The following DOCK3 variants were observed in gnomAD, a reference collection of about 807,000 sequenced individuals.
DOCK3 encodes the protein dedicator of cytokinesis protein 3.
Under a neutral mutation model 265.6 loss-of-function variants are expected in DOCK3, and 60 were observed. That is an observed-to-expected ratio of 0.23 (90% CI 0.18 to 0.28). The LOEUF (loss-of-function observed/expected upper bound fraction) is 0.28. Among genes scored for constraint, DOCK3 ranks in the 10% least tolerant of loss-of-function variants. DOCK3 has a pLI of 1.00. For missense variants in DOCK3, 1,981 were observed against 2,594.3 expected (o/e 0.76, Z 5.14); for synonymous variants, 881 against 938.0 (o/e 0.94, Z 1.11).
At chr3:51,119,985 C>A (rs1337352619) in intron 9 of DOCK3, among the ~76,000 whole-genome samples, 2 of 152,086 alleles carry the variant, frequency 1.3e-5, no homozygotes, top group African/African-American at 4.8e-5. Context: ...GACTCATTCT[C>A]TGTCCAGTTT....
intron 24 of DOCK3, 72 bp from the exon 25 acceptor site, chr3:51,275,007 C>G: frequency 6.3e-7 from 1 of 1,593,358 alleles, no homozygotes; most frequent in Non-Finnish European, 8.6e-7. Context: ...CTAAGTCCCA[C>G]AATGCCACTG....
chr3:50,871,311 T>TTC (rs1253988313), intron 3 of DOCK3, among the ~76,000 whole-genome samples: 1 of 151,990 alleles, frequency 6.6e-6, no homozygotes, highest in Non-Finnish European at 1.5e-5. Flanking sequence ...TTTTTTTTTT[T>TTC]TCTTCAGCAC....
intron 12 of DOCK3, among the ~76,000 whole-genome samples, chr3:51,167,228 G>A (rs1279047720): frequency 6.6e-6 from 1 of 152,018 alleles, no homozygotes; most frequent in African/African-American, 2.4e-5. Context: ...TCCCCATTGT[G>A]TATTCTTGGT....
chr3:50,722,117 G>GGT (rs1377773851), intron 1 of DOCK3, among the ~76,000 whole-genome samples: 1 of 152,170 alleles, frequency 6.6e-6, no homozygotes, highest in Non-Finnish European at 1.5e-5. Flanking sequence ...CTGAGGACAG[G>GGT]GTAGGAAAGC....
intron 7 of DOCK3, among the ~76,000 whole-genome samples, chr3:51,079,550 G>A (rs374819175): frequency 7.1e-4 from 108 of 151,450 alleles, no homozygotes; most frequent in African/African-American, 2.5e-3. Context: ...ATGAGATTTC[G>A]CCATGTTGCC....
At chr3:50,945,529 A>G (rs568324866) in intron 5 of DOCK3, among the ~76,000 whole-genome samples, 160 of 152,292 alleles carry the variant, frequency 1.1e-3, no homozygotes, top group Non-Finnish European at 1.9e-3. Context: ...AACAATTTCT[A>G]GATTTTATGA....
At chr3:50,977,713 C>G (rs1304558650) in intron 5 of DOCK3, among the ~76,000 whole-genome samples, 4 of 152,102 alleles carry the variant, frequency 2.6e-5, no homozygotes, top group Non-Finnish European at 4.4e-5. Context: ...TGGGGAAGTT[C>G]TCCTGGAAAA....
chr3:50,879,340 C>G (rs1341700047), intron 3 of DOCK3, among the ~76,000 whole-genome samples: 1 of 152,004 alleles, frequency 6.6e-6, no homozygotes, highest in Non-Finnish European at 1.5e-5. Context: ...TGGCAAATTG[C>G]ATAAAGAGTC....
chr3:51,079,387 C>T (rs1172297161), intron 7 of DOCK3, among the ~76,000 whole-genome samples: 3 of 152,084 alleles, frequency 2.0e-5, no homozygotes, highest in Non-Finnish European at 4.4e-5. Context: ...GGCTGGAGTG[C>T]AGTGGTGTGA....
At chr3:51,340,620 A>T (rs966118166) in intron 37 of DOCK3, among the ~76,000 whole-genome samples, 1 of 152,218 alleles carries the variant, frequency 6.6e-6, no homozygotes, top group Non-Finnish European at 1.5e-5. Context: ...GCCCACTAAA[A>T]ATGAACAAAT....
intron 32 of DOCK3, among the ~76,000 whole-genome samples, chr3:51,320,115 G>A (rs1343170382): frequency 6.6e-6 from 1 of 152,150 alleles, no homozygotes; most frequent in African/African-American, 2.4e-5. Context: ...TCCAGCTGAG[G>A]TACCCAGCTC....
intron 5 of DOCK3, among the ~76,000 whole-genome samples, chr3:50,952,571 G>A (rs1467118984): frequency 6.6e-6 from 1 of 152,060 alleles, no homozygotes; most frequent in African/African-American, 2.4e-5. Context: ...CCATGTAAAG[G>A]ATTTGGTAGT....
chr3:51,117,745 G>T (rs2083803400), intron 9 of DOCK3, among the ~76,000 whole-genome samples: 1 of 152,108 alleles, frequency 6.6e-6, no homozygotes, highest in Non-Finnish European at 1.5e-5. Context: ...TAGTTTATTT[G>T]CTTTTAGGTG....
chr3:50,815,456 G>C (rs1417844590), intron 2 of DOCK3, among the ~76,000 whole-genome samples: 1 of 152,056 alleles, frequency 6.6e-6, no homozygotes, highest in African/African-American at 2.4e-5. Context: ...TTTGGTTTTT[G>C]TACCTCACTT....
At chr3:50,780,643 G>A (rs1283586106) in intron 2 of DOCK3, among the ~76,000 whole-genome samples, 2 of 152,132 alleles carry the variant, frequency 1.3e-5, no homozygotes, top group Admixed American at 6.5e-5. Context: ...TCAGATCAGG[G>A]TAACTAGAAT....
chr3:51,014,690 A>G (rs2079084404), intron 5 of DOCK3, among the ~76,000 whole-genome samples: 1 of 152,088 alleles, frequency 6.6e-6, no homozygotes, highest in Non-Finnish European at 1.5e-5. Flanking sequence ...TCTGTGAAGA[A>G]TGTCATTGGT....
intron 1 of DOCK3, among the ~76,000 whole-genome samples, chr3:50,771,808 G>A (rs780731119): frequency 6.6e-5 from 10 of 152,096 alleles, no homozygotes; most frequent in Admixed American, 3.3e-4. Context: ...CTGAGATTGC[G>A]CCACTGCACT....
In DOCK3 at chr3:51,314,963, T is replaced by C. The variant is rs764745093; in HGVS notation, c.3254-17T>C. 8 of 1,592,952 alleles carry C rather than the reference T, an allele frequency of 5.0e-6. No individual in the cohort carries two copies. In the African/African-American group the frequency reaches 6.7e-5, roughly 13 times the overall value. On this transcript the variant is annotated splice_polypyrimidine_tract_variant and intron_variant, in intron 31 of 52. Transcript: ENST00000266037. ...GGAGCAAAGCAGGCATAAACTAATT[T>C]GGGTTTTGTTTTTCAGGTGAACATA...
chr3:50,860,571 G>T (rs1034523353), intron 3 of DOCK3, among the ~76,000 whole-genome samples: 4 of 152,202 alleles, frequency 2.6e-5, no homozygotes, highest in African/African-American at 9.7e-5. Context: ...GTCCTGTTTG[G>T]TGAGGAGTAA....
Sources: gnomAD v4.1 joint callset for allele counts (sites outside exome capture counted in the v4.1 genomes callset) on GRCh38, gnomAD v4.1.1 for gene constraint, MANE v1.5 for transcripts, NCBI Gene and HGNC (gene_info 2026-07-23, HGNC 2026-07-21) for gene names.